The following WDR41 variants were observed in gnomAD, a reference collection of about 807,000 sequenced individuals.
WDR41 encodes WD repeat domain 41, also known as WD repeat-containing protein 41.
Under a neutral mutation model 69.3 loss-of-function variants are expected in WDR41, and 63 were observed. The observed-to-expected ratio is 0.91, with a 90% CI of 0.74 to 1.12. WDR41 has a LOEUF of 1.12. Ranked by LOEUF, WDR41 falls within the 50% of genes most tolerant of loss-of-function variation. WDR41 has a pLI of 0.00. For missense variants in WDR41, 543 were observed against 534.5 expected (o/e 1.02, Z -0.16); for synonymous variants, 185 against 192.1 (o/e 0.96, Z 0.31).
At chr5:77,581,155 G>T (rs1200448937) in intron 1 of WDR41, among the ~76,000 whole-genome samples, 1 of 151,828 alleles carries the variant, frequency 6.6e-6, no homozygotes, top group East Asian at 1.9e-4. Flanking sequence ...AAGTAAAAAG[G>T]TAAAAATTAT....
Position 77,603,450 on chromosome 5 carries a change from G to C in WDR41, c.42+17029C>G, listed in dbSNP as rs1744361342. On this transcript the variant is annotated intron_variant, in intron 1 of 5. Transcript: ENST00000509971. The stretch of plus-strand genomic sequence containing the variant: ...TGGTTTTTACTATTGAGCTGTTTGA[G>C]TTTCTTGTATGTGTTGGACATTAGT... 2.0e-5 allele frequency among the ~76,000 whole-genome samples: 3 copies of C among 152,154 alleles called. No individual in the cohort carries two copies. In the South Asian group the frequency reaches 6.2e-4, roughly 32 times the overall value.
intron 1 of WDR41, among the ~76,000 whole-genome samples, chr5:77,502,819 G>A (rs1055487354): frequency 6.6e-6 from 1 of 152,200 alleles, no homozygotes; most frequent in Admixed American, 6.5e-5. Context: ...CAAATGCTGA[G>A]AGATTTTGTC....
intron 1 of WDR41, among the ~76,000 whole-genome samples, chr5:77,614,259 C>T (rs1188388322): frequency 1.3e-5 from 2 of 150,780 alleles, no homozygotes; most frequent in Non-Finnish European, 3.0e-5. Flanking sequence ...GGATCTAGAA[C>T]TAGAAATACC....
intron 8 of WDR41, among the ~76,000 whole-genome samples, chr5:77,447,733 C>G (rs1687307065): frequency 6.6e-6 from 1 of 152,100 alleles, no homozygotes; most frequent in Non-Finnish European, 1.5e-5. Flanking sequence ...CATATGGACA[C>G]AGAGAGGGGA....
intron 1 of WDR41, among the ~76,000 whole-genome samples, chr5:77,580,072 T>A (rs1743907992): frequency 6.6e-6 from 1 of 152,010 alleles, no homozygotes; most frequent in South Asian, 2.1e-4. Context: ...AGAGTAACAT[T>A]GATAGATAGA....
chr5:77,600,394 C>T (rs950056837), intron 1 of WDR41, among the ~76,000 whole-genome samples: 15 of 152,134 alleles, frequency 9.9e-5, no homozygotes, highest in African/African-American at 2.2e-4. Context: ...CTGGAAAAGA[C>T]GAAACATTTA....
At chr5:77,529,691 A>G (rs944315704) in intron 1 of WDR41, among the ~76,000 whole-genome samples, 1 of 151,562 alleles carries the variant, frequency 6.6e-6, no homozygotes, top group Non-Finnish European at 1.5e-5. Context: ...ATGAGAGAAA[A>G]TGGAGAGTTA....
At chr5:77,464,290 T>A (rs1800197337) in intron 3 of WDR41, among the ~76,000 whole-genome samples, 1 of 146,246 alleles carries the variant, frequency 6.8e-6, no homozygotes, top group South Asian at 2.2e-4. Context: ...TTTTTTTTTT[T>A]TTTTTTTGAG....
chr5:77,485,473 G>C (rs1801472766), intron 2 of WDR41, among the ~76,000 whole-genome samples: 1 of 152,094 alleles, frequency 6.6e-6, no homozygotes, highest in South Asian at 2.1e-4. Context: ...CTCCAATCTG[G>C]CACTTCATCA....
intron 2 of WDR41, among the ~76,000 whole-genome samples, chr5:77,486,233 T>G (rs1302719782): frequency 1.3e-5 from 2 of 152,210 alleles, no homozygotes; most frequent in Non-Finnish European, 2.9e-5. Context: ...ACATACAGAC[T>G]GAAAGTTCTA....
intron 5 of WDR41, among the ~76,000 whole-genome samples, chr5:77,454,350 G>A (rs1799745912): frequency 6.6e-6 from 1 of 152,148 alleles, no homozygotes; most frequent in African/African-American, 2.4e-5. Context: ...GGAGCCTCAG[G>A]AGAGGCCCTG....
At chr5:77,457,395 A>C (rs937198742) in intron 5 of WDR41, among the ~76,000 whole-genome samples, 4 of 152,160 alleles carry the variant, frequency 2.6e-5, no homozygotes, top group African/African-American at 9.7e-5. Flanking sequence ...TATAAATTTT[A>C]GTATATATAT....
At chr5:77,437,290 GAA>G (rs1474604261) in intron 11 of WDR41, 44 bp downstream of exon 11, 1 of 1,515,372 alleles carries the variant, frequency 6.6e-7, no homozygotes. Context: ...TTTCACGTGA[GAA>G]AAAAGGAGAG....
chr5:77,437,307 A>AGACT, intron 11 of WDR41, 29 bp downstream of exon 11: 1 of 1,593,750 alleles, frequency 6.3e-7, no homozygotes, highest in Non-Finnish European at 8.6e-7. Flanking sequence ...GGAGAGAAAA[A>AGACT]GACTACCTTT....
intron 1 of WDR41, among the ~76,000 whole-genome samples, chr5:77,596,006 T>C (rs1744221389): frequency 6.6e-6 from 1 of 152,226 alleles, no homozygotes; most frequent in Non-Finnish European, 1.5e-5. Context: ...TTCTAAGTAC[T>C]GGCTGTGGGC....
At chr5:77,480,357 A>C (rs1223672843) in intron 2 of WDR41, among the ~76,000 whole-genome samples, 1 of 152,136 alleles carries the variant, frequency 6.6e-6, no homozygotes, top group African/African-American at 2.4e-5. Flanking sequence ...TCATGCTGCT[A>C]TAAAGACACA....
Position 77,451,517 on chromosome 5 carries a change from G to A in WDR41, c.524-164C>T, listed in dbSNP as rs530241143. ...GCTTGCTTACTAATGGAAAATGATT[G>A]TTAAATGTAGGTTTCTGAGACTTTT... On this transcript the variant is annotated intron_variant, in intron 6 of 12. Transcript: ENST00000296679. The A allele has an allele frequency of 2.4e-5, 15 of 616,360 alleles. No individual in the cohort carries two copies. The East Asian group carries it at 2.9e-4, about 12-fold the overall frequency. 38.2% of individuals were successfully genotyped at this position (616,360 alleles called of 1,614,324 possible).
At chr5:77,600,238 C>T (rs1392798633) in intron 1 of WDR41, among the ~76,000 whole-genome samples, 1 of 152,104 alleles carries the variant, frequency 6.6e-6, no homozygotes, top group East Asian at 1.9e-4. Flanking sequence ...AAAATAATAG[C>T]CTTGGTACAT....
intron 1 of WDR41, among the ~76,000 whole-genome samples, chr5:77,528,678 C>T (rs978450393): frequency 2.0e-5 from 3 of 151,570 alleles, no homozygotes; most frequent in African/African-American, 7.2e-5. Flanking sequence ...GAAAGAATAA[C>T]ATAATATGAG....
Sources: gnomAD v4.1 joint callset for allele counts (sites outside exome capture counted in the v4.1 genomes callset) on GRCh38, gnomAD v4.1.1 for gene constraint, MANE v1.5 for transcripts, NCBI Gene and HGNC (gene_info 2026-07-23, HGNC 2026-07-21) for gene names.